ARID1B: variants seen among roughly 807,000 people sequenced by gnomAD.
ARID1B encodes the protein AT-rich interactive domain-containing protein 1B.
In ARID1B, 30 loss-of-function variants were observed where a neutral mutation model predicts 212.3. That is an observed-to-expected ratio of 0.14 (90% confidence interval 0.11 to 0.19). The LOEUF (loss-of-function observed/expected upper bound fraction) is 0.19, where lower values mean the gene tolerates loss of function less well. Among genes scored for constraint, ARID1B ranks in the 10% least tolerant of loss-of-function variants. The probability of loss-of-function intolerance (pLI) is 1.00; values close to 1 mark genes in which losing one functional copy is unlikely to be tolerated. For missense variants in ARID1B, 2,891 were observed against 3,204.0 expected (o/e 0.90, Z 2.36); for synonymous variants, 1,402 against 1,301.7 (o/e 1.08, Z -1.66).
rs150171159 is a variant in ARID1B at position 156,877,485 on chromosome 6, C to T, written c.1987-23891C>T. Among the ~76,000 whole-genome samples, 690 of 151,498 alleles carry T rather than the reference C, an allele frequency of 4.6e-3. 10 individuals are homozygous for T. Among genetic ancestry groups the T allele is most frequent in the African/African-American group, 0.016 (650 of 41,042 alleles). On this transcript the variant is annotated intron_variant, in intron 2 of 19. Transcript: ENST00000636930. ...CTTCTTCCTTGCCTGCTGGCTCCAC[C>T]TACATTTATTCAACGTCTACTTCAA...
intron 15 of ARID1B, 163 bp from the exon 16 acceptor site, chr6:157,196,002 A>C (rs1006922077): frequency 3.4e-5 from 26 of 770,728 alleles, no homozygotes; most frequent in African/African-American, 2.9e-4. Flanking sequence ...CAGAGGTTGC[A>C]GTGAGCCAAG....
intron 4 of ARID1B, among the ~76,000 whole-genome samples, chr6:156,973,184 C>T (rs1275938877): frequency 6.6e-6 from 1 of 152,196 alleles, no homozygotes; most frequent in Non-Finnish European, 1.5e-5. Flanking sequence ...CTGAATTGTA[C>T]ATTTATTTTA....
At chr6:156,976,066 G>GC (rs1438819854) in intron 4 of ARID1B, among the ~76,000 whole-genome samples, 1 of 152,062 alleles carries the variant, frequency 6.6e-6, no homozygotes. Context: ...AAGTACATAA[G>GC]CGCAAGGGCT....
chr6:157,201,371 A>C lies in ARID1B; in HGVS notation c.5146A>C (p.Thr1716Pro), dbSNP rs2128376332. Reference protein sequence around the residue: ...VMPTVPTSQVTGPPPQPPPIR... With the variant: ...VMPTVPTSQVPGPPPQPPPIR... Reference sequence around the variant, plus strand: ...GCCCACGGTCCCCACATCCCAGGTCACCGGGCCACCACCCCAACCACCCCC... The same window carrying C: ...GCCCACGGTCCCCACATCCCAGGTCCCCGGGCCACCACCCCAACCACCCCC... The change falls in exon 18 of 20, where the codon ACC becomes CCC. Residue 1716 changes from threonine (T) to proline (P), a missense_variant. Physicochemically the swap from Thr to Pro is conservative, Grantham distance 38 (BLOSUM62 -1). This residue lies in a region of ARID1B where 666 missense variants were observed against 873.5 expected (regional missense o/e 0.76). Coordinates refer to ENST00000636930, the MANE Select transcript of ARID1B (RefSeq NM_001374828.1). The surrounding 1 kb of genome is among the most constrained non-coding windows in gnomAD (Gnocchi z 5.2). 1.2e-6 allele frequency: 2 copies of C among 1,609,222 alleles called. No individual in the cohort carries two copies. Among genetic ancestry groups the C allele is most frequent in the Non-Finnish European group, 1.7e-6 (2 of 1,176,490 alleles).
intron 5 of ARID1B, among the ~76,000 whole-genome samples, chr6:157,088,308 G>A (rs1441122034): frequency 1.3e-5 from 2 of 152,190 alleles, no homozygotes; most frequent in African/African-American, 2.4e-5. Context: ...CTTGAGTCCA[G>A]GTATTACCCA....
intron 3 of ARID1B, among the ~76,000 whole-genome samples, chr6:156,930,497 T>C (rs1382281596): frequency 6.6e-6 from 1 of 152,226 alleles, no homozygotes; most frequent in Admixed American, 6.5e-5. Context: ...GGTATTTCTT[T>C]ATAGCAGTGT....
chr6:156,893,252 C>T (rs1004776094), intron 2 of ARID1B, among the ~76,000 whole-genome samples: 1 of 152,078 alleles, frequency 6.6e-6, no homozygotes, highest in African/African-American at 2.4e-5. Context: ...TCTCGAACTC[C>T]TGACCTCAAA....
intron 2 of ARID1B, among the ~76,000 whole-genome samples, chr6:156,838,735 AC>A (rs1562424640): frequency 1.3e-5 from 1 of 79,422 alleles, no homozygotes; most frequent in African/African-American, 5.3e-5. Context: ...ATAATAATAA[AC>A]AAAAAAAACC....
At chr6:156,785,374 A>C (rs1779562558) in intron 1 of ARID1B, among the ~76,000 whole-genome samples, 1 of 152,206 alleles carries the variant, frequency 6.6e-6, no homozygotes, top group Admixed American at 6.5e-5. Flanking sequence ...GCCTTGATGA[A>C]TGATGAGCTG....
chr6:157,177,398 C>G (rs1407935542), intron 11 of ARID1B, among the ~76,000 whole-genome samples: 2 of 152,220 alleles, frequency 1.3e-5, no homozygotes, highest in African/African-American at 4.8e-5. Flanking sequence ...GTTAACTGCT[C>G]TTTCTGAGAT....
intron 2 of ARID1B, among the ~76,000 whole-genome samples, chr6:156,893,044 C>CTTTTTT (rs1562464668): frequency 4.5e-5 from 4 of 88,364 alleles, no homozygotes; most frequent in South Asian, 3.0e-4. Flanking sequence ...CTTTTTTCTT[C>CTTTTTT]CTTTTTTTTT....
chr6:156,813,993 C>T lies in ARID1B; in HGVS notation c.1792-15234C>T, dbSNP rs564725619. On this transcript the variant is annotated intron_variant, in intron 1 of 19. Coordinates refer to ENST00000636930, the MANE Select transcript of ARID1B (RefSeq NM_001374828.1). ...GGATTCTTCACGGTAGCCTGCACCA[C>T]GAGAGTGGGTACAGTGTGCCAGCAA... 2.6e-5 allele frequency among the ~76,000 whole-genome samples: 4 copies of T among 152,268 alleles called. No homozygotes were observed. The South Asian group carries it at 6.2e-4, about 24-fold the overall frequency.
intron 4 of ARID1B, among the ~76,000 whole-genome samples, chr6:156,946,302 G>C (rs1793135092): frequency 6.6e-6 from 1 of 152,078 alleles, no homozygotes; most frequent in African/African-American, 2.4e-5. Context: ...AACCTGGGAG[G>C]TGGAGGTTGC....
chr6:157,181,325 G>C, intron 12 of ARID1B, 147 bp downstream of exon 12: 1 of 1,028,874 alleles, frequency 9.7e-7, no homozygotes, highest in African/African-American at 1.6e-5. Flanking sequence ...ACCCACGTCT[G>C]TGTGCTGTCA....
At chr6:157,146,218 C>T (rs1023507835) in intron 7 of ARID1B, among the ~76,000 whole-genome samples, 3 of 152,226 alleles carry the variant, frequency 2.0e-5, no homozygotes, top group African/African-American at 7.2e-5. Flanking sequence ...AACAATGAAA[C>T]CCCCATCAAG....
intron 6 of ARID1B, among the ~76,000 whole-genome samples, chr6:157,129,208 G>A (rs187677228): frequency 3.3e-5 from 5 of 152,308 alleles, no homozygotes; most frequent in Admixed American, 2.6e-4. Flanking sequence ...CACAGGATCC[G>A]GGACTGTGGC....
intron 1 of ARID1B, among the ~76,000 whole-genome samples, chr6:156,788,392 C>T (rs532273273): frequency 1.6e-4 from 25 of 152,306 alleles, no homozygotes; most frequent in Non-Finnish European, 2.5e-4. Context: ...CGGCTGATGC[C>T]ATTGGCCCCA....
At chr6:156,887,584 C>G (rs974668680) in intron 2 of ARID1B, among the ~76,000 whole-genome samples, 1 of 151,992 alleles carries the variant, frequency 6.6e-6, no homozygotes, top group Non-Finnish European at 1.5e-5. Context: ...ATGGGCTTGG[C>G]ATTTTCTTCT....
rs769480864 is a variant in ARID1B at position 156,778,052 on chromosome 6, C to CGCGGCGGCA, written c.382_390dup (p.Ala128_Ala130dup). 2.0e-4 allele frequency: 313 copies of CGCGGCGGCA among 1,535,370 alleles called. 1 individual carries two copies. The highest frequency in any genetic ancestry group is 1.2e-3 in the Middle Eastern group (7 of 5,728). ...CGCTGTCCTCCTCCTCCTCCTCCTC[C>CGCGGCGGCA]GCGGCGGCAGCGGCGGCATCCTCTT... On this transcript the variant is annotated inframe_insertion, in exon 1 of 20. Coordinates refer to ENST00000636930, the MANE Select transcript of ARID1B (RefSeq NM_001374828.1).
Sources: gnomAD v4.1 joint callset for allele counts (sites outside exome capture counted in the v4.1 genomes callset) on GRCh38, gnomAD v4.1.1 for gene constraint, gnomAD v4.1.1 regional missense constraint, Gnocchi (gnomAD v3.1) non-coding constraint, MANE v1.5 for transcripts, NCBI Gene and HGNC (gene_info 2026-07-23, HGNC 2026-07-21) for gene names.